Variants in GALNT11 observed in about 807,000 individuals in gnomAD.
The protein encoded by GALNT11 is UDP-GalNAc:polypeptide N-acetylgalactosaminyltransferase 11.
In GALNT11, 47 loss-of-function variants were observed where a neutral mutation model predicts 72.7. The observed-to-expected ratio is 0.65, with a 90% CI of 0.51 to 0.82. The LOEUF is 0.82. Ranked by LOEUF, GALNT11 falls within the 40% of genes least tolerant of loss-of-function variation. The pLI is 0.00. For synonymous variants in GALNT11, 270 were observed against 286.6 expected, an observed-to-expected ratio of 0.94 and a Z score of 0.58; for missense variants, 677 against 778.4, an observed-to-expected ratio of 0.87 and a Z score of 1.55.
At chr7:152,041,059 G>A (rs112441135) in intron 1 of GALNT11, among the ~76,000 whole-genome samples, 1,539 of 152,284 alleles carry the variant, frequency 0.01, 13 homozygotes, top group Non-Finnish European at 0.015. Context: ...CCTCCTCAGC[G>A]TCAGTCTTGA....
At position 152,098,633 on chromosome 7, in the gene GALNT11, A is replaced by T. The variant is rs2086550224; in HGVS notation, c.296-2165A>T. 2.6e-5 allele frequency among the ~76,000 whole-genome samples: 4 copies of T among 152,136 alleles called. No homozygotes were observed. In the South Asian group the frequency reaches 8.3e-4, roughly 32 times the overall value. On this transcript the variant is annotated intron_variant, in intron 2 of 11. Transcript: ENST00000430044. ...TTCAAGAGACCTATAATAGAACATG[A>T]TTCTTTCATGTTCTGATACTTGTTG...
intron 1 of GALNT11, among the ~76,000 whole-genome samples, chr7:152,066,862 C>T (rs775385504): frequency 4.6e-5 from 7 of 152,112 alleles, no homozygotes; most frequent in South Asian, 2.1e-4. Context: ...CAAAGATCAT[C>T]GACACAGATC....
At chr7:152,062,225 C>T (rs1394615660) in intron 1 of GALNT11, among the ~76,000 whole-genome samples, 1 of 152,176 alleles carries the variant, frequency 6.6e-6, no homozygotes, top group Non-Finnish European at 1.5e-5. Flanking sequence ...TATTTATTCT[C>T]TTTGAAGCAA....
In GALNT11 at chr7:152,094,475, G is replaced by A. The variant is rs376662591; in HGVS notation, c.248G>A (p.Arg83His). The change falls in exon 2 of 12, where the codon CGT (arginine) becomes CAT (histidine). Residue 83 changes from arginine (R) to histidine (H), a missense_variant. Arg to His is a conservative substitution (Grantham distance 29, BLOSUM62 0). Coordinates refer to ENST00000430044, the MANE Select transcript of GALNT11 (RefSeq NM_022087.4). The surrounding 1 kb of genome is among the most constrained non-coding windows in gnomAD (Gnocchi z 4.3). ...ANKIDDVIDS[R>H]VEDPEEGHLK... The stretch of plus-strand genomic sequence containing the variant: ...AAAATTGACGATGTGATAGACAGTC[G>A]TGTTGAAGATCCAGAAGAAGGCCAC... 9.3e-6 allele frequency: 15 copies of A among 1,613,604 alleles called. No homozygotes were observed. In the South Asian group the frequency reaches 1.1e-4, roughly 12 times the overall value.
At position 152,094,754 on chromosome 7, in the gene GALNT11, A is replaced by G. The variant is rs1474861456; in HGVS notation, c.295+232A>G. On this transcript the variant is annotated intron_variant, in intron 2 of 11. Transcript: ENST00000430044. The surrounding 1 kb of genome is among the most constrained non-coding windows in gnomAD (Gnocchi z 4.3). ...TGAGAAAACAAACAAGGTCCAGGGA[A>G]GAAAAATTAAAAGGCTAGAAAGAAA... Among the ~76,000 whole-genome samples, 1 of 152,216 alleles carries G rather than the reference A, an allele frequency of 6.6e-6. No homozygotes were observed. The highest frequency in any genetic ancestry group is 1.5e-5 in the Non-Finnish European group (1 of 68,034).
chr7:152,117,210 CAGTG>C lies in GALNT11; in HGVS notation c.1290_1293del (p.Glu431ValfsTer4). Reference sequence around the variant, plus strand: ...TGAAGACGAAAAGCTATGGCAATATCAGTGAGCGTGTGGAACTGAGAAAGAAGTT... The same window carrying C: ...TGAAGACGAAAAGCTATGGCAATATCAGCGTGTGGAACTGAGAAAGAAGTT... On this transcript the variant is annotated frameshift_variant, in exon 9 of 12. Transcript: ENST00000430044. LOFTEE classifies it high-confidence loss of function. The C allele has an allele frequency of 6.2e-7, 1 of 1,614,026 alleles. No homozygotes were observed. The highest frequency in any genetic ancestry group is 8.5e-7 in the Non-Finnish European group (1 of 1,180,010).
At position 152,105,267 on chromosome 7, in the gene GALNT11, T is replaced by G; in HGVS notation, c.609T>G (p.Asp203Glu). 2.5e-6 allele frequency: 4 copies of G among 1,613,920 alleles called. No individual in the cohort carries two copies. In the Middle Eastern group the frequency reaches 5.0e-4, roughly 200 times the overall value. The change falls in exon 5 of 12, where the codon GAT becomes GAG. Residue 203 changes from aspartate to glutamate, a missense_variant. Physicochemically the swap from Asp to Glu is conservative, Grantham distance 45. Transcript: ENST00000430044. ...SDFDDLKGELDEYVQKYLPGK... is the reference protein window; with the variant it reads ...SDFDDLKGELEEYVQKYLPGK... ...CAGATGATTTGAAAGGAGAACTAGATGAATATGTCCAAAAATACCTCCCTG... is the reference window on the plus strand; with the variant it reads ...CAGATGATTTGAAAGGAGAACTAGAGGAATATGTCCAAAAATACCTCCCTG...
chr7:152,042,932 G>A (rs932482026), intron 1 of GALNT11, among the ~76,000 whole-genome samples: 2 of 152,130 alleles, frequency 1.3e-5, no homozygotes, highest in Admixed American at 6.5e-5. Flanking sequence ...TGTAGAGAAA[G>A]GATTGAAATG....
Position 152,108,263 on chromosome 7 carries a change from C to T in GALNT11, c.938C>T (p.Ala313Val), listed in dbSNP as rs773812713. ...GTCCCCCTTTCTGAGCTAGGACGAG[C>T]GGAGGGAGCCACTGCACCAATAAAG... Reference protein sequence around the residue: ...DLVPLSELGRAEGATAPIKSP... With the variant: ...DLVPLSELGRVEGATAPIKSP... The change falls in exon 6 of 12, where the codon GCG becomes GTG. Residue 313 changes from alanine (A) to valine (V), a missense_variant. Transcript: ENST00000430044. The T allele has an allele frequency of 1.4e-5, 22 of 1,612,106 alleles. No homozygotes were observed. Among genetic ancestry groups the T allele is most frequent in the South Asian group, 9.9e-5 (9 of 91,024 alleles).
Position 152,094,465 on chromosome 7 carries a change from A to C in GALNT11, c.238A>C (p.Ile80Leu), listed in dbSNP as rs761746013. 1.2e-6 allele frequency: 2 copies of C among 1,614,118 alleles called. No individual in the cohort carries two copies. The highest frequency in any genetic ancestry group is 4.5e-5 in the East Asian group (2 of 44,884). ...QFKANKIDDV[I>L]DSRVEDPEEG... ...CAAAGCAAACAAAATTGACGATGTG[A>C]TAGACAGTCGTGTTGAAGATCCAGA... The change falls in exon 2 of 12, where the codon ATA becomes CTA. Residue 80 changes from isoleucine to leucine, a missense_variant. Coordinates refer to ENST00000430044, the MANE Select transcript of GALNT11 (RefSeq NM_022087.4). The surrounding 1 kb of genome is among the most constrained non-coding windows in gnomAD (Gnocchi z 4.3).
intron 1 of GALNT11, among the ~76,000 whole-genome samples, chr7:152,043,697 A>G (rs1331776761): frequency 6.6e-6 from 1 of 152,134 alleles, no homozygotes; most frequent in East Asian, 1.9e-4. Flanking sequence ...TCTGGAAAAG[A>G]AAGATCCGGA....
At chr7:152,043,663 GCAA>G (rs2082981043) in intron 1 of GALNT11, among the ~76,000 whole-genome samples, 1 of 152,160 alleles carries the variant, frequency 6.6e-6, no homozygotes, top group Non-Finnish European at 1.5e-5. Context: ...AGTCAGTGGG[GCAA>G]CTACTTTTCG....
chr7:152,041,400 AT>A (rs970171358), intron 1 of GALNT11, among the ~76,000 whole-genome samples: 7 of 152,138 alleles, frequency 4.6e-5, no homozygotes, highest in African/African-American at 1.7e-4. Context: ...GAGGACAATA[AT>A]TTTTCCAGGA....
chr7:152,067,467 C>T lies in GALNT11; in HGVS notation c.-38-26723C>T, dbSNP rs529010507. Among the ~76,000 whole-genome samples the T allele has an allele frequency of 1.3e-5, 2 of 151,860 alleles. 1 individual carries two copies. Among genetic ancestry groups the T allele is most frequent in the African/African-American group, 4.8e-5 (2 of 41,360 alleles). The stretch of plus-strand genomic sequence containing the variant: ...TGGATTTAGGGACGTTTATTTTATA[C>T]TTTGGGCTATAATGCAATACAACTT... On this transcript the variant is annotated intron_variant, in intron 1 of 11. Transcript: ENST00000430044.
intron 5 of GALNT11, among the ~76,000 whole-genome samples, chr7:152,107,035 G>A (rs1285057318): frequency 6.6e-6 from 1 of 152,216 alleles, no homozygotes; most frequent in Non-Finnish European, 1.5e-5. Context: ...CTGTGGGACT[G>A]ATTCACGGGC....
intron 1 of GALNT11, among the ~76,000 whole-genome samples, chr7:152,068,136 C>T (rs1027831931): frequency 2.6e-5 from 4 of 152,088 alleles, no homozygotes; most frequent in African/African-American, 9.7e-5. Flanking sequence ...ACAGAAGTTG[C>T]CCTGCCCTAA....
rs995747538 is a variant in GALNT11, at chr7:152,121,502, T to TGCC, written c.1696-43_1696-41dup. 4 of 1,585,986 alleles carry TGCC rather than the reference T, an allele frequency of 2.5e-6. No individual in the cohort carries two copies. In the African/African-American group the frequency reaches 5.4e-5, roughly 21 times the overall value. On this transcript the variant is annotated intron_variant, in intron 11 of 11. Coordinates refer to ENST00000430044, the MANE Select transcript of GALNT11 (RefSeq NM_022087.4). ...ATCTCTCCTCTGGATTTCCATGTTT[T>TGCC]GCCAGTAATTGGCAGTATTTTTTTG...
chr7:152,029,024 A>T (rs955298511), intron 1 of GALNT11, among the ~76,000 whole-genome samples: 3 of 152,170 alleles, frequency 2.0e-5, no homozygotes, highest in Admixed American at 6.5e-5. Context: ...ATGTTGTCCA[A>T]CTCCAGAGGT....
chr7:152,060,159 C>G (rs375691094), intron 1 of GALNT11, among the ~76,000 whole-genome samples: 6 of 152,256 alleles, frequency 3.9e-5, no homozygotes, highest in African/African-American at 1.4e-4. Context: ...TTGCCAGTTT[C>G]AAACATTTCT....
Sources: allele counts gnomAD v4.1 joint callset (sites outside exome capture counted in the v4.1 genomes callset), GRCh38; gene constraint gnomAD v4.1.1; non-coding constraint Gnocchi (gnomAD v3.1); transcripts MANE v1.5; gene names NCBI Gene and HGNC (gene_info 2026-07-23, HGNC 2026-07-21).